The following IARS1 variants were observed in gnomAD, a reference collection of about 807,000 sequenced individuals.
IARS1 encodes isoleucyl-tRNA synthetase 1, also known as isoleucine--tRNA ligase, cytoplasmic.
A neutral mutation model predicts 168.2 loss-of-function variants in IARS1; 124 were observed. The observed-to-expected ratio is 0.74, with a 90% CI of 0.64 to 0.86. The LOEUF is 0.86. IARS1 is among the 40% of genes least tolerant of loss of function. The pLI, the probability that IARS1 is intolerant of heterozygous loss-of-function variation, is 0.00. For synonymous variants in IARS1, 532 were observed against 529.4 expected (o/e 1.00, Z -0.07); for missense variants, 1,452 against 1,515.8 (o/e 0.96, Z 0.70).
chr9:92,273,243 T>A (rs924911630), intron 10 of IARS1, among the ~76,000 whole-genome samples: 4 of 152,160 alleles, frequency 2.6e-5, no homozygotes, highest in Non-Finnish European at 5.9e-5. Context: ...AAAATGATTA[T>A]GAACAATATT....
At chr9:92,271,841 G>T (rs1194478906) in intron 10 of IARS1, among the ~76,000 whole-genome samples, 186 bp from the exon 11 acceptor site, 2 of 152,172 alleles carry the variant, frequency 1.3e-5, no homozygotes, top group African/African-American at 4.8e-5. Context: ...CAGGGGTTAG[G>T]TCACCCAGTC....
chr9:92,216,874 A>G lies in IARS1; in HGVS notation c.3706+5646T>C, dbSNP rs1587687476. Among the ~76,000 whole-genome samples the G allele has an allele frequency of 6.0e-5, 9 of 148,880 alleles. No individual in the cohort carries two copies. In the South Asian group the frequency reaches 1.8e-3, roughly 30 times the overall value. On this transcript the variant is annotated intron_variant, in intron 33 of 33. Coordinates refer to ENST00000443024, the MANE Select transcript of IARS1 (RefSeq NM_002161.6). ...CATTAGACAGATCAACGAGACAGAA[A>G]GTCAACAAGGATACCCAGGAATTGA...
intron 31 of IARS1, 97 bp downstream of exon 31, chr9:92,228,904 A>T: frequency 6.9e-7 from 1 of 1,456,026 alleles, no homozygotes; most frequent in East Asian, 2.3e-5. Flanking sequence ...GAGTTAGGAA[A>T]AATGCAAAAG....
At chr9:92,229,512 A>G (rs1371932115) in intron 30 of IARS1, among the ~76,000 whole-genome samples, 1 of 152,034 alleles carries the variant, frequency 6.6e-6, no homozygotes, top group Non-Finnish European at 1.5e-5. Context: ...ATTCTTATTT[A>G]TGATTGTCAT....
intron 12 of IARS1, among the ~76,000 whole-genome samples, 188 bp downstream of exon 12, chr9:92,270,797 A>AAAC (rs1280149292): frequency 3.3e-5 from 5 of 152,148 alleles, no homozygotes; most frequent in Non-Finnish European, 5.9e-5. Context: ...CCCTATCTCA[A>AAAC]AACAACAACA....
At chr9:92,288,882 G>A (rs1258900952) in intron 2 of IARS1, among the ~76,000 whole-genome samples, 1 of 152,126 alleles carries the variant, frequency 6.6e-6, no homozygotes, top group African/African-American at 2.4e-5. Context: ...ATAGGGAGCT[G>A]GGGGATTCTG....
At chr9:92,213,690 T>A (rs1005602406) in intron 33 of IARS1, among the ~76,000 whole-genome samples, 2 of 152,194 alleles carry the variant, frequency 1.3e-5, no homozygotes, top group African/African-American at 4.8e-5. Context: ...TTGTGGAAAT[T>A]TGTTGCAGCA....
intron 21 of IARS1, among the ~76,000 whole-genome samples, 166 bp from the exon 22 acceptor site, chr9:92,252,051 A>G (rs1234188689): frequency 6.6e-6 from 1 of 152,268 alleles, no homozygotes; most frequent in African/African-American, 2.4e-5. Flanking sequence ...ATCCACGGTC[A>G]GTGCCACCAG....
At chr9:92,260,101 C>T (rs41307467) in intron 18 of IARS1, 50 bp downstream of exon 18, 48,748 of 1,237,296 alleles carry the variant, frequency 0.039, 1,244 homozygotes, top group South Asian at 0.072. Context: ...ATAGGAGATG[C>T]TTACATAAAA....
In IARS1 at chr9:92,289,321, C is replaced by T. The variant is rs770490937; in HGVS notation, c.99G>A (p.Lys33=). 3 of 1,515,800 alleles carry T rather than the reference C, an allele frequency of 2.0e-6. No individual in the cohort carries two copies. Among genetic ancestry groups the T allele is most frequent in the Non-Finnish European group, 2.7e-6 (3 of 1,095,386 alleles). 93.9% of individuals were successfully genotyped at this position (1,515,800 alleles called of 1,614,324 possible). A position where few individuals can be genotyped will look rare whatever the true frequency, so the allele number is the denominator to read the frequency against. The stretch of plus-strand genomic sequence containing the variant: ...CATACTTTGGTTTATGTTTTGATTG[C>T]TTTAAGCATTCCTGAAAACAATTAA... ...TEFNCFQECL[K]QSKHKPKFTF... is the part of the protein sequence containing the mutation. Residue 33 remains lysine (K), a synonymous_variant, in exon 2 of 34, where the codon AAG becomes AAA. Coordinates refer to ENST00000443024, the MANE Select transcript of IARS1 (RefSeq NM_002161.6).
intron 22 of IARS1, 85 bp from the exon 23 acceptor site, chr9:92,250,919 T>C (rs1321897202): frequency 1.4e-6 from 2 of 1,434,676 alleles, no homozygotes; most frequent in Non-Finnish European, 1.9e-6. Flanking sequence ...ACTAAACATG[T>C]TAGAGAATGA....
In IARS1 at chr9:92,260,115, C is replaced by G. The variant is rs749824449; in HGVS notation, c.1871+36G>C. 2.6e-5 allele frequency: 37 copies of G among 1,424,902 alleles called. No homozygotes were observed. The Middle Eastern group carries it at 3.1e-3, about 120-fold the overall frequency. The allele number at this position is 1,424,902 out of a possible 1,614,324, so 88.3% of individuals were successfully genotyped here. A position where few individuals can be genotyped will look rare whatever the true frequency, so the allele number is the denominator to read the frequency against. On this transcript the variant is annotated intron_variant, in intron 18 of 33. Transcript: ENST00000443024. ...TATAGGAGATGCTTACATAAAAAAA[C>G]AATAGATACACACAAGGCAAAGCAC...
chr9:92,217,142 T>C (rs1456963466), intron 33 of IARS1, among the ~76,000 whole-genome samples: 2 of 151,294 alleles, frequency 1.3e-5, no homozygotes, highest in Non-Finnish European at 3.0e-5. Context: ...CTCAACTACA[T>C]GGAAACTGAA....
At chr9:92,211,007 C>T in intron 33 of IARS1, 118 bp from the exon 34 acceptor site, 2 of 663,200 alleles carry the variant, frequency 3.0e-6, no homozygotes, top group Non-Finnish European at 5.5e-6. Context: ...AAGAGTTCTG[C>T]CTTTTGTCCC....
intron 6 of IARS1, among the ~76,000 whole-genome samples, chr9:92,285,375 T>C (rs779702775): frequency 6.6e-6 from 1 of 152,168 alleles, no homozygotes; most frequent in Non-Finnish European, 1.5e-5. Flanking sequence ...AGGTCCCAGA[T>C]AAGGCATAAA....
intron 22 of IARS1, 55 bp downstream of exon 22, chr9:92,251,753 G>A (rs1372712107): frequency 3.3e-6 from 4 of 1,205,412 alleles, no homozygotes; most frequent in Non-Finnish European, 3.7e-6. Flanking sequence ...CAGCAAGTAG[G>A]TGCTGAAGGC....
At chr9:92,233,466 G>C (rs868831594) in intron 30 of IARS1, among the ~76,000 whole-genome samples, 1 of 152,190 alleles carries the variant, frequency 6.6e-6, no homozygotes, top group Non-Finnish European at 1.5e-5. Flanking sequence ...GCAATGGAAA[G>C]GACTCTGACA....
chr9:92,262,718 C>T (rs1831698903), intron 17 of IARS1, among the ~76,000 whole-genome samples: 1 of 152,152 alleles, frequency 6.6e-6, no homozygotes, highest in African/African-American at 2.4e-5. Flanking sequence ...TCATAAAGTG[C>T]TAAGTTTAGT....
chr9:92,225,602 G>C (rs926165263), intron 31 of IARS1, among the ~76,000 whole-genome samples: 12 of 149,090 alleles, frequency 8.0e-5, no homozygotes, highest in African/African-American at 2.7e-4. Flanking sequence ...ATCTACTAGG[G>C]TCTTTATTTG....
Sources: allele counts gnomAD v4.1 joint callset (sites outside exome capture counted in the v4.1 genomes callset), GRCh38; gene constraint gnomAD v4.1.1; transcripts MANE v1.5; gene names NCBI Gene and HGNC (gene_info 2026-07-23, HGNC 2026-07-21).